Variants in VWDE observed in about 807,000 individuals in gnomAD.
VWDE encodes von Willebrand factor D and EGF domains.
Under a neutral mutation model 178.4 loss-of-function variants are expected in VWDE, and 207 were observed. That is an observed-to-expected ratio of 1.16 (90% CI 1.04 to 1.30). VWDE has a LOEUF of 1.30. Among genes scored for constraint, VWDE ranks in the 50% most tolerant of loss-of-function variants. The pLI is 0.00. For missense variants in VWDE, 2,287 were observed against 1,901.3 expected, an observed-to-expected ratio of 1.20 and a Z score of -3.77; for synonymous variants, 738 against 651.4, an observed-to-expected ratio of 1.13 and a Z score of -2.02.
intron 11 of VWDE, 26 bp from the exon 12 acceptor site, chr7:12,370,535 T>C (rs535535613): frequency 6.9e-5 from 106 of 1,531,100 alleles, no homozygotes; most frequent in South Asian, 2.4e-4. Context: ...CAGGAAAGAA[T>C]AGTAATTTTG....
At chr7:12,393,533 C>T in intron 2 of VWDE, 61 bp downstream of exon 2, 1 of 1,342,450 alleles carries the variant, frequency 7.4e-7, no homozygotes, top group Non-Finnish European at 9.9e-7. Context: ...TAAAAAGATA[C>T]AATTCTCATA....
chr7:12,331,057 T>C lies in VWDE; in HGVS notation c.*126A>G, dbSNP rs1255346605. On this transcript the variant is annotated 3_prime_UTR_variant, in exon 29 of 29. Transcript: ENST00000275358. Reference sequence around the variant, plus strand: ...CAGAGATCATTATGTATTTTATTAGTTTCTTCAGTCTTTAAGATATTTTTT... The same window carrying C: ...CAGAGATCATTATGTATTTTATTAGCTTCTTCAGTCTTTAAGATATTTTTT... 1 of 677,024 alleles carries C rather than the reference T, an allele frequency of 1.5e-6. No individual in the cohort carries two copies. The highest frequency in any genetic ancestry group is 1.9e-5 in the African/African-American group (1 of 53,336). The allele number at this position is 677,024 out of a possible 1,614,324, so 41.9% of individuals were successfully genotyped here.
intron 27 of VWDE, among the ~76,000 whole-genome samples, chr7:12,335,741 C>T (rs1224292817): frequency 6.6e-6 from 1 of 152,194 alleles, no homozygotes. Flanking sequence ...AGGCGTGAGC[C>T]ACTGCACCCG....
chr7:12,339,755 A>G (rs1198776664), intron 24 of VWDE, among the ~76,000 whole-genome samples: 1 of 152,152 alleles, frequency 6.6e-6, no homozygotes, highest in African/African-American at 2.4e-5. Context: ...GGTTGACATT[A>G]ATTCATACCC....
chr7:12,401,315 A>C (rs1023169746), intron 1 of VWDE, among the ~76,000 whole-genome samples: 2 of 152,188 alleles, frequency 1.3e-5, no homozygotes, highest in Non-Finnish European at 2.9e-5. Flanking sequence ...CAACTAAAAA[A>C]ACTAAAGTAT....
chr7:12,368,751 GAATCTACGAT>G (rs1202309790), intron 12 of VWDE, among the ~76,000 whole-genome samples: 1 of 152,142 alleles, frequency 6.6e-6, no homozygotes, highest in Non-Finnish European at 1.5e-5. Flanking sequence ...AGTTTTGGGA[GAATCTACGAT>G]AATCTGAGGG....
At chr7:12,396,573 A>G (rs1262950223) in intron 1 of VWDE, among the ~76,000 whole-genome samples, 1 of 152,226 alleles carries the variant, frequency 6.6e-6, no homozygotes, top group African/African-American at 2.4e-5. Context: ...CATTCAAAAT[A>G]GAATTTTGTT....
chr7:12,347,191 T>G (rs993999015), intron 19 of VWDE, among the ~76,000 whole-genome samples: 1 of 152,144 alleles, frequency 6.6e-6, no homozygotes, highest in African/African-American at 2.4e-5. Context: ...CCTCAGCCTC[T>G]GTACACAGAA....
intron 24 of VWDE, among the ~76,000 whole-genome samples, chr7:12,338,683 T>C (rs1336351677): frequency 6.6e-6 from 1 of 152,152 alleles, no homozygotes; most frequent in African/African-American, 2.4e-5. Flanking sequence ...CATATATTTA[T>C]GAGATCTATA....
intron 2 of VWDE, among the ~76,000 whole-genome samples, chr7:12,391,637 A>C (rs560660182): frequency 6.6e-6 from 1 of 152,348 alleles, no homozygotes; most frequent in Non-Finnish European, 1.5e-5. Flanking sequence ...GAAGTGTCAC[A>C]AAAGCGACTA....
chr7:12,390,899 T>C (rs1784353553), intron 2 of VWDE, among the ~76,000 whole-genome samples: 1 of 152,102 alleles, frequency 6.6e-6, no homozygotes, highest in Non-Finnish European at 1.5e-5. Context: ...TCAATCTTAC[T>C]AAAGACACTA....
At position 12,367,410 on chromosome 7, in the gene VWDE, CA is replaced by C. The variant is rs868216365; in HGVS notation, c.2844del (p.Phe948LeufsTer70). The C allele has an allele frequency of 1.3e-6, 2 of 1,546,614 alleles. No individual in the cohort carries two copies. The highest frequency in any genetic ancestry group is 1.7e-6 in the Non-Finnish European group (2 of 1,144,462). On this transcript the variant is annotated frameshift_variant, in exon 13 of 29. Transcript: ENST00000275358. LOFTEE classifies it high-confidence loss of function. ...GAAGGTAATTCTTTGAAGCCTTTGCCAAAAACTCTCACCATCATACAATTAT... is the reference window on the plus strand; with the variant it reads ...GAAGGTAATTCTTTGAAGCCTTTGCCAAAACTCTCACCATCATACAATTAT... ...QKYNCMMVRV[F>X]GKGFKELPSI...
At chr7:12,352,861 T>C (rs180988403) in intron 18 of VWDE, among the ~76,000 whole-genome samples, 3 of 152,328 alleles carry the variant, frequency 2.0e-5, no homozygotes, top group East Asian at 1.9e-4. Context: ...TTTTAATCTT[T>C]TAAAATGTTG....
At position 12,343,183 on chromosome 7, in the gene VWDE, A is replaced by T; in HGVS notation, c.4079-5T>A. 1 of 1,544,826 alleles carries T rather than the reference A, an allele frequency of 6.5e-7. No homozygotes were observed. Among genetic ancestry groups the T allele is most frequent in the Admixed American group, 2.0e-5 (1 of 50,848 alleles). ...GACAAGGTGGGTTACAATGTTCTGC[A>T]GAAACAGATTATGTTATTATGTCAG... On this transcript the variant is annotated splice_region_variant and splice_polypyrimidine_tract_variant and intron_variant, in intron 21 of 28. Coordinates refer to ENST00000275358, the MANE Select transcript of VWDE (RefSeq NM_001135924.3).
intron 7 of VWDE, 115 bp downstream of exon 7, chr7:12,377,661 G>A: frequency 3.4e-6 from 2 of 589,050 alleles, no homozygotes; most frequent in South Asian, 1.6e-4. Flanking sequence ...AAAATTTGAT[G>A]TCAACATGCA....
At position 12,367,465 on chromosome 7, in the gene VWDE, C is replaced by G; in HGVS notation, c.2790G>C (p.Gly930=). 6.5e-7 allele frequency: 1 copy of G among 1,531,654 alleles called. No homozygotes were observed. The highest frequency in any genetic ancestry group is 8.8e-7 in the Non-Finnish European group (1 of 1,137,764). 94.9% of individuals were successfully genotyped at this position (1,531,654 alleles called of 1,614,324 possible). A position where few individuals can be genotyped will look rare whatever the true frequency, so the allele number is the denominator to read the frequency against. The part of the protein sequence containing the change: ...YDKAPEITEL[G]NAGFCDVQKY... ...TTTGAACATCACAGAATCCAGCATT[C>G]CCAAGCTCTGTAATTTCAGGAGCTT... The change falls in exon 13 of 29, where the codon GGG becomes GGC. Residue 930 remains glycine, a synonymous_variant. Transcript: ENST00000275358.
chr7:12,369,751 T>C lies in VWDE; in HGVS notation c.2555A>G (p.Glu852Gly), dbSNP rs762419482. The change falls in exon 12 of 29, where the codon GAA (glutamate) becomes GGA (glycine). Residue 852 changes from glutamate to glycine, a missense_variant. By Grantham distance (98) the Glu-to-Gly change is moderately conservative. Coordinates refer to ENST00000275358, the MANE Select transcript of VWDE (RefSeq NM_001135924.3). Reference protein sequence around the residue: ...VLLKDDLSWAEAGVALLENEC... With the variant: ...VLLKDDLSWAGAGVALLENEC... ...ATTTTCTAAAAGGGCCACACCTGCT[T>C]CTGCCCAACTAAGATCATCTTTTAA... 8.6e-5 allele frequency: 133 copies of C among 1,551,510 alleles called. 2 individuals are homozygous for C. The South Asian group carries it at 1.2e-3, about 14-fold the overall frequency.
chr7:12,392,357 T>A (rs1252131666), intron 2 of VWDE, among the ~76,000 whole-genome samples: 1 of 152,216 alleles, frequency 6.6e-6, no homozygotes, highest in Non-Finnish European at 1.5e-5. Context: ...ATGGGCTTAG[T>A]GTTTTGACAG....
chr7:12,362,904 C>T (rs750289235), intron 13 of VWDE, among the ~76,000 whole-genome samples: 8 of 152,012 alleles, frequency 5.3e-5, no homozygotes, highest in Non-Finnish European at 1.0e-4. Context: ...TGTACAGTCT[C>T]GGTTTCTTGT....
Sources: allele counts gnomAD v4.1 joint callset (sites outside exome capture counted in the v4.1 genomes callset), GRCh38; gene constraint gnomAD v4.1.1; transcripts MANE v1.5; gene names NCBI Gene and HGNC (gene_info 2026-07-23, HGNC 2026-07-21).